AGBL4: variants seen among roughly 807,000 people sequenced by gnomAD.
AGBL4 encodes the protein cytosolic carboxypeptidase 6.
AGBL4 carries 58 observed loss-of-function variants against 66.4 expected under a neutral mutation model. The ratio of observed to expected loss-of-function variants is 0.87; its 90% CI spans 0.71 to 1.09. The LOEUF is 1.09. AGBL4 is among the 50% of genes least tolerant of loss of function. The probability of loss-of-function intolerance (pLI) is 0.00; values close to 1 mark genes in which losing one functional copy is unlikely to be tolerated. For synonymous variants in AGBL4, 234 were observed against 222.9 expected (o/e 1.05, Z -0.44); for missense variants, 579 against 631.0 (o/e 0.92, Z 0.88).
chr1:49,694,076 A>G (rs568185659), intron 3 of AGBL4, among the ~76,000 whole-genome samples: 1 of 152,176 alleles, frequency 6.6e-6, no homozygotes, highest in Non-Finnish European at 1.5e-5. Flanking sequence ...ACCTGTTTAT[A>G]CAATATATTT....
At chr1:49,120,852 T>C (rs966436898) in intron 4 of AGBL4, among the ~76,000 whole-genome samples, 8 of 152,206 alleles carry the variant, frequency 5.3e-5, no homozygotes, top group African/African-American at 9.6e-5. Flanking sequence ...CAATCCAACA[T>C]AGATTTGGTC....
intron 3 of AGBL4, among the ~76,000 whole-genome samples, chr1:49,507,893 G>T (rs1306984541): frequency 2.6e-5 from 4 of 151,730 alleles, no homozygotes; most frequent in Non-Finnish European, 5.9e-5. Context: ...TGCTTAAGTT[G>T]CTCTTAAGGA....
intron 6 of AGBL4, among the ~76,000 whole-genome samples, chr1:48,808,466 T>C (rs1645978167): frequency 6.6e-6 from 1 of 152,128 alleles, no homozygotes; most frequent in Non-Finnish European, 1.5e-5. Flanking sequence ...TCCAGGGCCC[T>C]GGTAAGTCAG....
At chr1:49,162,060 C>T (rs1436899555) in intron 4 of AGBL4, among the ~76,000 whole-genome samples, 1 of 152,126 alleles carries the variant, frequency 6.6e-6, no homozygotes, top group Non-Finnish European at 1.5e-5. Context: ...ATCTGGGCAA[C>T]AGAGATAGGG....
chr1:48,615,124 A>G (rs886381352), intron 9 of AGBL4, among the ~76,000 whole-genome samples: 3 of 152,164 alleles, frequency 2.0e-5, no homozygotes, highest in Non-Finnish European at 4.4e-5. Flanking sequence ...GGAATGCAAC[A>G]GGAGTGGCAA....
intron 1 of AGBL4, among the ~76,000 whole-genome samples, chr1:49,894,235 G>T (rs189873563): frequency 6.6e-6 from 1 of 152,122 alleles, no homozygotes; most frequent in African/African-American, 2.4e-5. Flanking sequence ...TACCTAAAAA[G>T]CCTTCCAAAA....
intron 2 of AGBL4, among the ~76,000 whole-genome samples, chr1:49,801,837 G>A (rs942779084): frequency 2.6e-5 from 4 of 152,164 alleles, no homozygotes; most frequent in East Asian, 1.9e-4. Flanking sequence ...TTCAAAAAAT[G>A]TCTCTTCAAG....
intron 3 of AGBL4, among the ~76,000 whole-genome samples, chr1:49,401,572 G>A (rs981962863): frequency 2.6e-5 from 4 of 152,204 alleles, no homozygotes; most frequent in South Asian, 4.1e-4. Context: ...ATGTTTTGTC[G>A]AATTTGGTTT....
At chr1:49,387,451 A>C (rs550089940) in intron 3 of AGBL4, among the ~76,000 whole-genome samples, 1 of 152,066 alleles carries the variant, frequency 6.6e-6, no homozygotes, top group African/African-American at 2.4e-5. Context: ...ATTTAAAAAA[A>C]AAACAGACCG....
rs114246962 is a variant in AGBL4, at chr1:49,088,289, C to T, written c.378-42489G>A. 5.5e-3 allele frequency among the ~76,000 whole-genome samples: 833 copies of T among 152,202 alleles called. 7 individuals carry two copies. Among genetic ancestry groups the T allele is most frequent in the Non-Finnish European group, 6.8e-3 (461 of 68,010 alleles). Reference sequence around the variant, plus strand: ...ACCTCAATTAAAAGGCACAGAGTTGCGAGTTGCATAACGAATGCCCAACCG... The same window carrying T: ...ACCTCAATTAAAAGGCACAGAGTTGTGAGTTGCATAACGAATGCCCAACCG... On this transcript the variant is annotated intron_variant, in intron 4 of 13. Coordinates refer to ENST00000371839, the MANE Select transcript of AGBL4 (RefSeq NM_032785.4).
At chr1:48,862,791 T>C (rs1301026901) in intron 6 of AGBL4, among the ~76,000 whole-genome samples, 1 of 152,188 alleles carries the variant, frequency 6.6e-6, no homozygotes, top group Non-Finnish European at 1.5e-5. Context: ...TTTAAGCTTA[T>C]ATAAATGGTA....
chr1:48,828,474 A>G (rs1442764352), intron 6 of AGBL4, among the ~76,000 whole-genome samples: 1 of 152,036 alleles, frequency 6.6e-6, no homozygotes, highest in Non-Finnish European at 1.5e-5. Context: ...ATTGTTGCTA[A>G]TCTCTGAGTT....
At chr1:49,170,823 G>A (rs1646725651) in intron 4 of AGBL4, among the ~76,000 whole-genome samples, 1 of 151,986 alleles carries the variant, frequency 6.6e-6, no homozygotes, top group Non-Finnish European at 1.5e-5. Flanking sequence ...AGCTTAGTAA[G>A]TTACAGTAAC....
chr1:49,029,748 G>C (rs1161618402), intron 5 of AGBL4, among the ~76,000 whole-genome samples: 1 of 152,152 alleles, frequency 6.6e-6, no homozygotes, highest in African/African-American at 2.4e-5. Context: ...GAAAAAGTTG[G>C]AGAGCTGACA....
chr1:49,739,338 GA>G (rs971915091), intron 2 of AGBL4, among the ~76,000 whole-genome samples: 1 of 152,188 alleles, frequency 6.6e-6, no homozygotes, highest in African/African-American at 2.4e-5. Flanking sequence ...AATGAAGAGA[GA>G]AGAGAAGTTT....
At chr1:48,648,684 G>A (rs1465978714) in intron 8 of AGBL4, among the ~76,000 whole-genome samples, 1 of 152,172 alleles carries the variant, frequency 6.6e-6, no homozygotes, top group Non-Finnish European at 1.5e-5. Context: ...GGCTGAAATG[G>A]ATACAGTAAA....
intron 6 of AGBL4, among the ~76,000 whole-genome samples, chr1:48,837,663 AACACACAC>A (rs58493461): frequency 2.3e-4 from 28 of 121,272 alleles, no homozygotes; most frequent in South Asian, 2.9e-4. Context: ...TTACTTAATG[AACACACAC>A]ACACACACAC....
chr1:49,450,084 T>C (rs1040771865), intron 3 of AGBL4, among the ~76,000 whole-genome samples: 2 of 152,200 alleles, frequency 1.3e-5, no homozygotes, highest in Non-Finnish European at 2.9e-5. Context: ...GTAATGCCTT[T>C]GGTTTCAATT....
At chr1:49,604,342 G>A (rs1363146439) in intron 3 of AGBL4, among the ~76,000 whole-genome samples, 1 of 152,038 alleles carries the variant, frequency 6.6e-6, no homozygotes, top group Non-Finnish European at 1.5e-5. Context: ...GTTGAGCATT[G>A]CTTCATATGT....
Sources: gnomAD v4.1 joint callset for allele counts (sites outside exome capture counted in the v4.1 genomes callset) on GRCh38, gnomAD v4.1.1 for gene constraint, MANE v1.5 for transcripts, NCBI Gene and HGNC (gene_info 2026-07-23, HGNC 2026-07-21) for gene names.